MBNL1: variants seen among roughly 807,000 people sequenced by gnomAD.
MBNL1 encodes the protein muscleblind-like protein 1.
A neutral mutation model predicts 42.2 loss-of-function variants in MBNL1; 8 were observed. That is an observed-to-expected ratio of 0.19 (90% confidence interval 0.11 to 0.34). The LOEUF (loss-of-function observed/expected upper bound fraction) is 0.34. Among genes scored for constraint, MBNL1 ranks in the 10% least tolerant of loss-of-function variants. The pLI, the probability that MBNL1 is intolerant of heterozygous loss-of-function variation, is 1.00. For synonymous variants in MBNL1, 169 were observed against 173.9 expected (o/e 0.97, Z 0.22); for missense variants, 309 against 495.3 (o/e 0.62, Z 3.57).
chr3:152,323,909 T>A (rs116603854), intron 2 of MBNL1, among the ~76,000 whole-genome samples: 134 of 152,292 alleles, frequency 8.8e-4, no homozygotes, highest in African/African-American at 3.1e-3. Flanking sequence ...TTTTGTTCCC[T>A]CCTTTCTTAT....
chr3:152,393,989 A>G (rs2097827394), intron 2 of MBNL1, among the ~76,000 whole-genome samples: 1 of 152,198 alleles, frequency 6.6e-6, no homozygotes, highest in Non-Finnish European at 1.5e-5. Context: ...GTGGTTATTG[A>G]GAGTAACCAA....
intron 2 of MBNL1, among the ~76,000 whole-genome samples, chr3:152,369,275 T>C (rs1055527147): frequency 6.6e-6 from 1 of 152,174 alleles, no homozygotes; most frequent in Non-Finnish European, 1.5e-5. Context: ...AATCATGTAG[T>C]TTTTGTCATT....
intron 6 of MBNL1, among the ~76,000 whole-genome samples, chr3:152,454,193 G>A (rs1412597918): frequency 6.6e-6 from 1 of 152,130 alleles, no homozygotes; most frequent in Non-Finnish European, 1.5e-5. Flanking sequence ...CACTTGATAG[G>A]ATGTGTCCCC....
chr3:152,419,090 C>T (rs890683342), intron 3 of MBNL1, among the ~76,000 whole-genome samples: 2 of 152,062 alleles, frequency 1.3e-5, no homozygotes, highest in Non-Finnish European at 2.9e-5. Context: ...ATGATTTAAT[C>T]TGTGTCCACA....
intron 2 of MBNL1, among the ~76,000 whole-genome samples, chr3:152,402,125 A>G (rs1052549413): frequency 8.5e-5 from 13 of 152,086 alleles, no homozygotes; most frequent in African/African-American, 2.9e-4. Context: ...ACTCTGACAA[A>G]GGAAATGTTG....
intron 2 of MBNL1, among the ~76,000 whole-genome samples, chr3:152,348,696 G>T (rs2094572672): frequency 6.6e-6 from 1 of 152,032 alleles, no homozygotes; most frequent in African/African-American, 2.4e-5. Context: ...ACTGAAGTGG[G>T]TTAAGAAAAT....
chr3:152,254,805 G>A (rs1195981845), intron 2 of MBNL1, among the ~76,000 whole-genome samples: 2 of 152,028 alleles, frequency 1.3e-5, no homozygotes, highest in Non-Finnish European at 2.9e-5. Flanking sequence ...CATGTCAGGT[G>A]CTTCACATGA....
At chr3:152,254,892 T>C (rs928565302) in intron 2 of MBNL1, among the ~76,000 whole-genome samples, 1 of 152,098 alleles carries the variant, frequency 6.6e-6, no homozygotes, top group Non-Finnish European at 1.5e-5. Context: ...AGGAAAAATA[T>C]AGAAGTTCAG....
At chr3:152,402,315 C>A (rs1167401009) in intron 2 of MBNL1, among the ~76,000 whole-genome samples, 1 of 152,128 alleles carries the variant, frequency 6.6e-6, no homozygotes. Flanking sequence ...TTAATATTCA[C>A]GTTATCCCTA....
chr3:152,264,433 T>C (rs975329314), upstream of MBNL1: 11 of 152,146 alleles, frequency 7.2e-5, no homozygotes, highest in Admixed American at 2.6e-4. Context: ...GGAAATCTCA[T>C]GTAGCACCTC....
intron 2 of MBNL1, among the ~76,000 whole-genome samples, chr3:152,411,082 A>G (rs2098552858): frequency 1.3e-5 from 2 of 152,248 alleles, no homozygotes; most frequent in Admixed American, 1.3e-4. Context: ...TGTTACTATT[A>G]TATAGAAAAG....
chr3:152,277,842 CTTA>C (rs1486219081), intron 1 of MBNL1, among the ~76,000 whole-genome samples: 2 of 151,960 alleles, frequency 1.3e-5, no homozygotes, highest in Non-Finnish European at 2.9e-5. Flanking sequence ...ATATTTACAA[CTTA>C]TTAGTTATTT....
chr3:152,380,995 G>T (rs1295147881), intron 2 of MBNL1, among the ~76,000 whole-genome samples: 1 of 151,922 alleles, frequency 6.6e-6, no homozygotes. Flanking sequence ...ACAGAAGGAG[G>T]GGCAGCAATA....
intron 2 of MBNL1, among the ~76,000 whole-genome samples, chr3:152,395,689 G>C (rs1168110064): frequency 1.3e-5 from 2 of 152,170 alleles, no homozygotes; most frequent in African/African-American, 4.8e-5. Flanking sequence ...TTGTATTTTA[G>C]AGTTCTTAAC....
At chr3:152,406,257 C>A (rs1462502377) in intron 2 of MBNL1, among the ~76,000 whole-genome samples, 1 of 152,024 alleles carries the variant, frequency 6.6e-6, no homozygotes, top group East Asian at 1.9e-4. Flanking sequence ...ATAGAGGAGG[C>A]CATAGGTATG....
chr3:152,455,693 T>A, intron 7 of MBNL1, 116 bp downstream of exon 7: 1 of 872,580 alleles, frequency 1.1e-6, no homozygotes, highest in Non-Finnish European at 1.9e-6. Context: ...TCCCTTTTAC[T>A]AACACTTGTC....
At chr3:152,279,199 A>G (rs2046991023) in intron 1 of MBNL1, among the ~76,000 whole-genome samples, 1 of 152,136 alleles carries the variant, frequency 6.6e-6, no homozygotes, top group Non-Finnish European at 1.5e-5. Context: ...CAGATAGACA[A>G]CCTGGTAGTG....
At chr3:152,301,133 G>T (rs997255642) in intron 2 of MBNL1, among the ~76,000 whole-genome samples, 1 of 152,018 alleles carries the variant, frequency 6.6e-6, no homozygotes, top group African/African-American at 2.4e-5. Context: ...GTTAGCTTTT[G>T]TGGGCACCAT....
intron 2 of MBNL1, among the ~76,000 whole-genome samples, chr3:152,322,353 G>T (rs2076955689): frequency 6.6e-6 from 1 of 151,754 alleles, no homozygotes; most frequent in Non-Finnish European, 1.5e-5. Flanking sequence ...CCATCCCCAA[G>T]ATTAAAAAAA....
Sources: allele counts gnomAD v4.1 joint callset (sites outside exome capture counted in the v4.1 genomes callset), GRCh38; gene constraint gnomAD v4.1.1; transcripts MANE v1.5; gene names NCBI Gene and HGNC (gene_info 2026-07-23, HGNC 2026-07-21).